FKBP1B: variants seen among roughly 807,000 people sequenced by gnomAD.
FKBP1B encodes peptidyl-prolyl cis-trans isomerase FKBP1B.
FKBP1B carries 4 observed loss-of-function variants against 13.5 expected under a neutral mutation model. The observed-to-expected ratio is 0.30, with a 90% CI of 0.15 to 0.68. The LOEUF is 0.68. Ranked by LOEUF, FKBP1B falls within the 30% of genes least tolerant of loss-of-function variation. The probability of loss-of-function intolerance (pLI) is 0.76; values close to 1 mark genes in which losing one functional copy is unlikely to be tolerated. For synonymous variants in FKBP1B, 54 were observed against 53.6 expected, an observed-to-expected ratio of 1.01 and a Z score of -0.03; for missense variants, 93 against 136.2, an observed-to-expected ratio of 0.68 and a Z score of 1.58.
Position 24,049,883 on chromosome 2 carries a change from G to A in FKBP1B, c.34G>A (p.Asp12Asn). 1 of 1,419,160 alleles carries A rather than the reference G, an allele frequency of 7.0e-7. No homozygotes were observed. Among genetic ancestry groups the A allele is most frequent in the Non-Finnish European group, 9.2e-7 (1 of 1,084,686 alleles). 87.9% of individuals were successfully genotyped at this position (1,419,160 alleles called of 1,614,324 possible). The change falls in exon 1 of 4, where the codon GAC (aspartate) becomes AAC (asparagine). Residue 12 changes from aspartate to asparagine, a missense_variant. Asp to Asn is a conservative substitution (Grantham distance 23, BLOSUM62 1). Coordinates refer to ENST00000380986, the MANE Select transcript of FKBP1B (RefSeq NM_004116.5). ...GGAGATCGAGACCATCTCCCCCGGA[G>A]ACGGTACCGGGCTCCCTCCGGAGCC... ...GVEIETISPGDGRTFPKKGQT... is the reference protein window; with the variant it reads ...GVEIETISPGNGRTFPKKGQT...
intron 3 of FKBP1B, among the ~76,000 whole-genome samples, chr2:24,062,282 C>A (rs1042084559): frequency 1.3e-5 from 2 of 152,134 alleles, no homozygotes; most frequent in Non-Finnish European, 2.9e-5. Flanking sequence ...AAGCAATTTT[C>A]CTGCCCCAGC....
intron 2 of FKBP1B, among the ~76,000 whole-genome samples, chr2:24,060,253 A>G (rs1233810475): frequency 2.6e-5 from 4 of 152,118 alleles, no homozygotes; most frequent in African/African-American, 9.7e-5. Context: ...GGTCGTGGTA[A>G]TAGAAACAAA....
At chr2:24,055,199 T>C (rs1177976237) in intron 2 of FKBP1B, among the ~76,000 whole-genome samples, 2 of 151,364 alleles carry the variant, frequency 1.3e-5, no homozygotes, top group East Asian at 1.9e-4. Context: ...TTTTTCTTTT[T>C]TTTTTTTTTT....
intron 3 of FKBP1B, among the ~76,000 whole-genome samples, chr2:24,062,748 G>T (rs1664452161): frequency 6.6e-6 from 1 of 152,162 alleles, no homozygotes; most frequent in Admixed American, 6.5e-5. Flanking sequence ...CTATTCTTTG[G>T]AAGAGGGTGA....
chr2:24,039,168 T>G, the FKBP1B span: 1 of 1,614,226 alleles, frequency 6.2e-7, no homozygotes, highest in Non-Finnish European at 8.5e-7. Flanking sequence ...GTAGTGATCC[T>G]CTAATCTCAC....
the FKBP1B span, chr2:24,039,176 C>T: frequency 6.2e-7 from 1 of 1,614,242 alleles, no homozygotes; most frequent in Non-Finnish European, 8.5e-7. Context: ...CCTCTAATCT[C>T]ACAAGTCTGA....
the FKBP1B span, among the ~76,000 whole-genome samples, chr2:24,036,065 A>ACAATAAATAAATAAATAAAT: frequency 7.1e-6 from 1 of 140,362 alleles, no homozygotes; most frequent in Non-Finnish European, 1.5e-5. Context: ...CTCCGTCTCA[A>ACAATAAATAAATAAATAAAT]AAATAAATAA....
At chr2:24,044,066 T>G in the FKBP1B span, among the ~76,000 whole-genome samples, 1 of 152,160 alleles carries the variant, frequency 6.6e-6, no homozygotes, top group Non-Finnish European at 1.5e-5. Context: ...TTATGTACTT[T>G]AAAAAGAATT....
intron 2 of FKBP1B, among the ~76,000 whole-genome samples, chr2:24,056,292 G>A (rs918134227): frequency 2.0e-5 from 3 of 151,408 alleles, no homozygotes; most frequent in African/African-American, 7.3e-5. Context: ...ACCAGGCTTT[G>A]TTTTGGTTTT....
chr2:24,039,387 T>C, the FKBP1B span: 2 of 1,614,264 alleles, frequency 1.2e-6, no homozygotes, highest in African/African-American at 2.7e-5. Flanking sequence ...GCAAATCAGT[T>C]AGGACAACTT....
intron 2 of FKBP1B, chr2:24,054,216 C>T (rs1427101400): frequency 3.1e-6 from 2 of 640,304 alleles, no homozygotes; most frequent in Admixed American, 2.6e-5. Context: ...CTTCAGTCCC[C>T]TTCCTTCTGT....
rs764029194 is a variant in FKBP1B at position 24,063,168 on chromosome 2, C to T, written c.303C>T (p.Asp101=). The change falls in exon 4 of 4, where the codon GAC becomes GAT. Residue 101 remains aspartate (D), a synonymous_variant. Transcript: ENST00000380986. ...VIPPNATLIF[D]VELLNLE ...CTCCCAATGCCACCCTCATCTTTGA[C>T]GTGGAGCTGCTCAACTTAGAGTGAA... The T allele has an allele frequency of 1.9e-5, 30 of 1,604,880 alleles. No individual in the cohort carries two copies. In the Admixed American group the frequency reaches 2.9e-4, roughly 16 times the overall value.
At chr2:24,037,764 T>C in the FKBP1B span, 1 of 1,614,236 alleles carries the variant, frequency 6.2e-7, no homozygotes, top group Non-Finnish European at 8.5e-7. Context: ...GGTTTGTAAG[T>C]TCAGAAAGAC....
intron 2 of FKBP1B, 84 bp from the exon 3 acceptor site, chr2:24,060,730 G>T: frequency 1.0e-6 from 1 of 961,890 alleles, no homozygotes; most frequent in Non-Finnish European, 1.7e-6. Context: ...TGCAGAAAAG[G>T]CATTCCATTT....
intron 2 of FKBP1B, among the ~76,000 whole-genome samples, chr2:24,055,194 CT>C (rs71395180): frequency 0.28 from 37,110 of 131,040 alleles, 4,742 homozygotes; most frequent in African/African-American, 0.39. Flanking sequence ...CATTGTTTTT[CT>C]TTTTTTTTTT....
the FKBP1B span, among the ~76,000 whole-genome samples, chr2:24,035,280 T>G: frequency 6.6e-6 from 1 of 151,858 alleles, no homozygotes; most frequent in Non-Finnish European, 1.5e-5. Context: ...GGACATACTA[T>G]TAAATGGAAA....
At chr2:24,061,604 A>T (rs1292945258) in intron 3 of FKBP1B, among the ~76,000 whole-genome samples, 1 of 152,250 alleles carries the variant, frequency 6.6e-6, no homozygotes, top group Admixed American at 6.5e-5. Context: ...TTAAAGAAAT[A>T]GTACAGAGTT....
At chr2:24,061,362 G>A (rs1664386438) in intron 3 of FKBP1B, among the ~76,000 whole-genome samples, 1 of 152,182 alleles carries the variant, frequency 6.6e-6, no homozygotes, top group South Asian at 2.1e-4. Context: ...GCTGCGACAG[G>A]AGAATTACTT....
the FKBP1B span, chr2:24,039,031 G>A: frequency 1.2e-6 from 2 of 1,614,154 alleles, no homozygotes; most frequent in South Asian, 1.1e-5. Context: ...GCGGCCCTGG[G>A]TGTTGATGTC....
Sources: gnomAD v4.1 joint callset for allele counts (sites outside exome capture counted in the v4.1 genomes callset) on GRCh38, gnomAD v4.1.1 for gene constraint, MANE v1.5 for transcripts, NCBI Gene and HGNC (gene_info 2026-07-23, HGNC 2026-07-21) for gene names.